The following CSMD2 variants were observed in gnomAD, a reference collection of about 807,000 sequenced individuals.
CSMD2 encodes the protein CUB and Sushi multiple domains 2.
Under a neutral mutation model 398.5 loss-of-function variants are expected in CSMD2, and 130 were observed. The observed-to-expected ratio is 0.33, with a 90% CI of 0.28 to 0.38. The LOEUF is 0.38. Ranked by LOEUF, CSMD2 falls within the 10% of genes least tolerant of loss-of-function variation. The pLI is 1.00. For missense variants in CSMD2, 3,829 were observed against 4,764.9 expected (o/e 0.80, Z 5.78); for synonymous variants, 1,828 against 1,908.5 (o/e 0.96, Z 1.10).
At chr1:33,770,817 G>T (rs1364635224) in intron 13 of CSMD2, among the ~76,000 whole-genome samples, 1 of 152,208 alleles carries the variant, frequency 6.6e-6, no homozygotes, top group African/African-American at 2.4e-5. Context: ...TCAGCTGTTT[G>T]CAAGCAGTGC....
intron 46 of CSMD2, among the ~76,000 whole-genome samples, chr1:33,585,785 T>C (rs918631569): frequency 6.6e-6 from 1 of 152,240 alleles, no homozygotes; most frequent in Non-Finnish European, 1.5e-5. Flanking sequence ...TATTTGCAGG[T>C]AGCAGTAGTT....
intron 25 of CSMD2, among the ~76,000 whole-genome samples, chr1:33,667,205 G>A (rs564804850): frequency 6.6e-6 from 1 of 152,202 alleles, no homozygotes; most frequent in Admixed American, 6.5e-5. Context: ...ACAACTGAAT[G>A]AATGAGTGAG....
At chr1:33,565,459 TA>T (rs571613145) in intron 53 of CSMD2, among the ~76,000 whole-genome samples, 1 of 151,042 alleles carries the variant, frequency 6.6e-6, no homozygotes, top group African/African-American at 2.4e-5. Flanking sequence ...AACCTTATAT[TA>T]AAAAAAATAA....
intron 3 of CSMD2, among the ~76,000 whole-genome samples, chr1:33,942,991 A>T (rs1043593959): frequency 3.9e-5 from 6 of 152,062 alleles, no homozygotes; most frequent in African/African-American, 9.7e-5. Flanking sequence ...TCTCCAGTGC[A>T]TTGTCCTCAG....
chr1:34,013,787 T>C (rs1647703237), intron 3 of CSMD2, among the ~76,000 whole-genome samples: 1 of 152,142 alleles, frequency 6.6e-6, no homozygotes, highest in African/African-American at 2.4e-5. Flanking sequence ...TCTGCTCCCT[T>C]GCGAGGTCAT....
chr1:33,986,992 G>A (rs759149113), intron 3 of CSMD2, among the ~76,000 whole-genome samples: 2 of 152,148 alleles, frequency 1.3e-5, no homozygotes, highest in Non-Finnish European at 2.9e-5. Context: ...CAGGTTGCAG[G>A]TAGAAGATAC....
chr1:33,623,327 T>C (rs112848588), intron 36 of CSMD2, 43 bp downstream of exon 36: 1 of 1,248,878 alleles, frequency 8.0e-7, no homozygotes. Flanking sequence ...TGATGAGCTC[T>C]AGTACTACCC....
At chr1:34,140,457 C>T (rs1055241486) in intron 1 of CSMD2, among the ~76,000 whole-genome samples, 1 of 152,300 alleles carries the variant, frequency 6.6e-6, no homozygotes, top group East Asian at 1.9e-4. Flanking sequence ...CCTGCAGCCT[C>T]ACCAAGAGCT....
chr1:33,885,893 G>A (rs991226166), intron 5 of CSMD2, among the ~76,000 whole-genome samples: 1 of 152,108 alleles, frequency 6.6e-6, no homozygotes, highest in East Asian at 1.9e-4. Flanking sequence ...GAGCCATCTT[G>A]GGCAGGCTAG....
At chr1:33,840,663 T>C (rs990539785) in intron 6 of CSMD2, among the ~76,000 whole-genome samples, 1 of 152,206 alleles carries the variant, frequency 6.6e-6, no homozygotes, top group Admixed American at 6.5e-5. Flanking sequence ...TGGGTTACGC[T>C]TGAAACCTGG....
intron 1 of CSMD2, among the ~76,000 whole-genome samples, chr1:34,090,429 C>A (rs1351213790): frequency 6.6e-6 from 1 of 152,170 alleles, no homozygotes; most frequent in Non-Finnish European, 1.5e-5. Context: ...CCCACTTGTG[C>A]ATTGGTTACT....
intron 3 of CSMD2, among the ~76,000 whole-genome samples, chr1:33,967,828 GA>G (rs1481501095): frequency 6.6e-6 from 1 of 152,152 alleles, no homozygotes; most frequent in Non-Finnish European, 1.5e-5. Context: ...CACGGGGCAG[GA>G]TAAACCTTGA....
At chr1:34,062,250 C>T (rs1308014098) in intron 2 of CSMD2, among the ~76,000 whole-genome samples, 2 of 152,228 alleles carry the variant, frequency 1.3e-5, no homozygotes, top group Non-Finnish European at 2.9e-5. Flanking sequence ...CCCTCTGAGA[C>T]TCTGCAGAGG....
intron 7 of CSMD2, among the ~76,000 whole-genome samples, chr1:33,821,395 C>T (rs1658132311): frequency 1.3e-5 from 2 of 152,172 alleles, no homozygotes; most frequent in Admixed American, 6.5e-5. Flanking sequence ...ACTGAGGAGG[C>T]TGGATTCCTG....
intron 12 of CSMD2, among the ~76,000 whole-genome samples, chr1:33,774,358 G>A (rs1001436606): frequency 6.6e-6 from 1 of 152,162 alleles, no homozygotes; most frequent in African/African-American, 2.4e-5. Flanking sequence ...GCTCAGGGAT[G>A]GGGGAGGGGA....
At chr1:33,749,803 T>C (rs1240019717) in intron 13 of CSMD2, among the ~76,000 whole-genome samples, 1 of 152,190 alleles carries the variant, frequency 6.6e-6, no homozygotes, top group East Asian at 1.9e-4. Context: ...AAAATTAGCA[T>C]GAAGGGAAAA....
intron 2 of CSMD2, among the ~76,000 whole-genome samples, chr1:34,048,173 T>C (rs1489004476): frequency 1.3e-5 from 2 of 152,258 alleles, no homozygotes; most frequent in Non-Finnish European, 2.9e-5. Context: ...TCGTGGCCAA[T>C]GCCTTCTGGC....
At chr1:33,601,045 A>C (rs1294380050) in intron 43 of CSMD2, 35 bp from the exon 44 acceptor site, 2 of 1,612,828 alleles carry the variant, frequency 1.2e-6, no homozygotes, top group African/African-American at 2.7e-5. Context: ...GCATGTCACT[A>C]GTCACCATGG....
intron 6 of CSMD2, among the ~76,000 whole-genome samples, chr1:33,827,139 C>A (rs2125019889): frequency 6.6e-6 from 1 of 152,310 alleles, no homozygotes; most frequent in South Asian, 2.1e-4. Context: ...CTCCCATTCT[C>A]CACCCTTGTC....
Sources: gnomAD v4.1 joint callset for allele counts (sites outside exome capture counted in the v4.1 genomes callset) on GRCh38, gnomAD v4.1.1 for gene constraint, MANE v1.5 for transcripts, NCBI Gene and HGNC (gene_info 2026-07-23, HGNC 2026-07-21) for gene names.